Variants in MYO15B observed in about 807,000 individuals in gnomAD.
MYO15B encodes myosin XVB pseudogene.
Under a neutral mutation model 119.3 loss-of-function variants are expected in MYO15B, and 207 were observed. That is an observed-to-expected ratio of 1.73 (90% CI 1.55 to 1.95). The LOEUF is 1.95. Among genes scored for constraint, MYO15B ranks in the 30% most tolerant of loss-of-function variants. MYO15B has a pLI of 0.00. For missense variants in MYO15B, 2,264 were observed against 1,203.1 expected, an observed-to-expected ratio of 1.88 and a Z score of -13.04; for synonymous variants, 966 against 498.9, an observed-to-expected ratio of 1.94 and a Z score of -12.48.
At chr17:75,597,460 G>A (rs1261696060) in intron 14 of MYO15B, among the ~76,000 whole-genome samples, 3 of 152,214 alleles carry the variant, frequency 2.0e-5, no homozygotes, top group Non-Finnish European at 2.9e-5. Flanking sequence ...CCACAAGGGC[G>A]GGTGCCCGTG....
intron 21 of MYO15B, among the ~76,000 whole-genome samples, chr17:75,606,510 G>C (rs569255130): frequency 2.0e-5 from 3 of 147,000 alleles, no homozygotes; most frequent in East Asian, 2.0e-4. Context: ...TTTCACTCTT[G>C]TTGCCCAGGC....
Position 75,591,145 on chromosome 17 carries a change from G to A in MYO15B, c.2361-27G>A, listed in dbSNP as rs1004357921. The A allele has an allele frequency of 3.0e-5, 21 of 702,748 alleles. No individual in the cohort carries two copies. The African/African-American group carries it at 3.1e-4, about 11-fold the overall frequency. 43.5% of individuals were successfully genotyped at this position (702,748 alleles called of 1,614,324 possible). On this transcript the variant is annotated intron_variant, in intron 3 of 63. Coordinates refer to ENST00000645453, the Ensembl canonical transcript of MYO15B. ...ACCTCGGAGGGTCCCAGGTCCCCATGTCTGGCAACCTTCTCATCTCCCTCA... is the reference window on the plus strand; with the variant it reads ...ACCTCGGAGGGTCCCAGGTCCCCATATCTGGCAACCTTCTCATCTCCCTCA...
chr17:75,599,628 C>T (rs889454165), intron 14 of MYO15B, among the ~76,000 whole-genome samples: 2 of 151,456 alleles, frequency 1.3e-5, no homozygotes, highest in Admixed American at 6.6e-5. Flanking sequence ...ACATGTAGGC[C>T]GGGCGCGGTG....
chr17:75,591,543 C>T lies in MYO15B; in HGVS notation c.2436-58C>T. ...GGTGGCACATCCCACTTCCTGGGTTCACTGGGGTGGTCCTATGTGCCCCTC... is the reference window on the plus strand; with the variant it reads ...GGTGGCACATCCCACTTCCTGGGTTTACTGGGGTGGTCCTATGTGCCCCTC... On this transcript the variant is annotated intron_variant, in intron 4 of 63. Transcript: ENST00000645453. The T allele has an allele frequency of 4.3e-6, 3 of 700,878 alleles. No homozygotes were observed. In the South Asian group the frequency reaches 4.5e-5, roughly 10 times the overall value. 43.4% of individuals were successfully genotyped at this position (700,878 alleles called of 1,614,324 possible). A position where few individuals can be genotyped will look rare whatever the true frequency, so the allele number is the denominator to read the frequency against.
Position 75,617,926 on chromosome 17 carries a change from G to A in MYO15B, c.6927+4G>A. 1.4e-6 allele frequency: 1 copy of A among 702,748 alleles called. No individual in the cohort carries two copies. The highest frequency in any genetic ancestry group is 1.5e-5 in the South Asian group (1 of 67,590). The allele number at this position is 702,748 out of a possible 1,614,324, so 43.5% of individuals were successfully genotyped here. On this transcript the variant is annotated splice_donor_region_variant and intron_variant, in intron 42 of 63. Coordinates refer to ENST00000645453, the Ensembl canonical transcript of MYO15B. ...GAAGTTGTTCCTACGCAAGGAGGTG[G>A]GCATGAGGGTGGGGCCTTGGCCTGG...
exon 50 of MYO15B, chr17:75,621,145 G>A (rs202034551): frequency 7.7e-5 from 54 of 700,700 alleles, no homozygotes; most frequent in South Asian, 2.8e-4. Flanking sequence ...GCAGGAATTC[G>A]CCCGGCGTTA....
At chr17:75,600,249 G>A (rs189887794) in intron 14 of MYO15B, among the ~76,000 whole-genome samples, 2 of 151,946 alleles carry the variant, frequency 1.3e-5, no homozygotes, top group East Asian at 3.9e-4. Flanking sequence ...GGATGGTCTC[G>A]ATCTCCTGAC....
intron 43 of MYO15B, among the ~76,000 whole-genome samples, chr17:75,618,777 C>A (rs918503279): frequency 7.4e-6 from 1 of 134,816 alleles, no homozygotes; most frequent in Non-Finnish European, 1.7e-5. Flanking sequence ...GTCACTTTGC[C>A]ACCTCTGAAC....
At chr17:75,616,204 G>A (rs538449563) in intron 37 of MYO15B, 57 bp downstream of exon 37, 88 of 572,252 alleles carry the variant, frequency 1.5e-4, no homozygotes, top group East Asian at 1.1e-3. Context: ...CCCCTGGCCC[G>A]GGCCAGGGAG....
intron 9 of MYO15B, among the ~76,000 whole-genome samples, chr17:75,593,924 GAAA>G (rs3072564): frequency 7.8e-6 from 1 of 128,830 alleles, no homozygotes; most frequent in African/African-American, 3.0e-5. Flanking sequence ...AGTCTCAGAA[GAAA>G]AAAAAAAAAA....
chr17:75,612,282 G>A (rs917881513), intron 25 of MYO15B, among the ~76,000 whole-genome samples: 1 of 152,146 alleles, frequency 6.6e-6, no homozygotes, highest in Admixed American at 6.5e-5. Context: ...TTGTACCTGC[G>A]GTAGTGCCCT....
At chr17:75,625,760 T>C (rs772385561) in intron 61 of MYO15B, 84 bp from the exon 62 acceptor site, 45 of 701,062 alleles carry the variant, frequency 6.4e-5, no homozygotes, top group Non-Finnish European at 9.6e-5. Context: ...GCCCTGTCCC[T>C]CTCAGCTGAC....
At position 75,589,804 on chromosome 17, in the gene MYO15B, G is replaced by T. The variant is rs1447235325; in HGVS notation, c.1747G>T (p.Gly583Trp). The T allele has an allele frequency of 2.5e-6, 1 of 398,450 alleles. No homozygotes were observed. The highest frequency in any genetic ancestry group is 2.1e-5 in the African/African-American group (1 of 48,616). The allele number at this position is 398,450 out of a possible 1,614,324, so 24.7% of individuals were successfully genotyped here. A position where few individuals can be genotyped will look rare whatever the true frequency, so the allele number is the denominator to read the frequency against. The change falls in exon 1 of 64, where the codon GGG becomes TGG. Residue 583 changes from glycine (G) to tryptophan (W), a missense_variant. By Grantham distance (184) the Gly-to-Trp change is radical. Coordinates refer to ENST00000645453, the Ensembl canonical transcript of MYO15B. The surrounding 1 kb of genome is among the most constrained non-coding windows in gnomAD (Gnocchi z 4.2). The stretch of plus-strand genomic sequence containing the variant: ...CCGAGGTTGGCCTCGTGCAGGGGTG[G>T]GGGGGCACAGTGAGGGGTGCAGGAC...
At chr17:75,602,190 T>G in intron 15 of MYO15B, 3 of 385,788 alleles carry the variant, frequency 7.8e-6, no homozygotes, top group Non-Finnish European at 1.4e-5. Flanking sequence ...ATACAAGGAG[T>G]TCAAGAAAGC....
intron 53 of MYO15B, among the ~76,000 whole-genome samples, chr17:75,622,677 T>C (rs183697188): frequency 6.6e-6 from 1 of 152,194 alleles, no homozygotes; most frequent in East Asian, 1.9e-4. Context: ...CAAAAGGAAG[T>C]TATTGCAGTG....
At chr17:75,607,087 TC>T (rs1438974543) in intron 21 of MYO15B, 16 of 397,072 alleles carry the variant, frequency 4.0e-5, no homozygotes, top group African/African-American at 3.3e-4. Flanking sequence ...CCAGTGATCT[TC>T]CCAGAGAGTA....
At chr17:75,613,436 G>A (rs772568319) in exon 28 of MYO15B, 84 of 680,798 alleles carry the variant, frequency 1.2e-4, no homozygotes, top group South Asian at 8.2e-4. Flanking sequence ...GGATGGCGGC[G>A]GGGCCGCATG....
chr17:75,592,388 C>T (rs2056528580), intron 7 of MYO15B, 40 bp from the exon 8 acceptor site: 1 of 681,886 alleles, frequency 1.5e-6, no homozygotes, highest in Admixed American at 2.1e-5. Flanking sequence ...GCCTCTAAGC[C>T]CCTAGGGCAC....
chr17:75,605,652 C>T, intron 20 of MYO15B, 31 bp downstream of exon 20: 1 of 701,628 alleles, frequency 1.4e-6, no homozygotes, highest in Non-Finnish European at 2.6e-6. Context: ...GTGCAGAGGG[C>T]AGCATGAATG....
Sources: allele counts gnomAD v4.1 joint callset (sites outside exome capture counted in the v4.1 genomes callset), GRCh38; gene constraint gnomAD v4.1.1; non-coding constraint Gnocchi (gnomAD v3.1); transcripts MANE v1.5; gene names NCBI Gene and HGNC (gene_info 2026-07-23, HGNC 2026-07-21).